Variants in DYM observed in about 807,000 individuals in gnomAD.
DYM encodes the protein dyggve-Melchior-Clausen syndrome protein.
A neutral mutation model predicts 93.1 loss-of-function variants in DYM; 78 were observed. The observed-to-expected ratio is 0.84, with a 90% CI of 0.70 to 1.01. The LOEUF (loss-of-function observed/expected upper bound fraction) is 1.01, where lower values mean the gene tolerates loss of function less well. DYM is among the 50% of genes least tolerant of loss of function. The pLI is 0.00. For missense variants in DYM, 789 were observed against 845.0 expected, an observed-to-expected ratio of 0.93 and a Z score of 0.82; for synonymous variants, 321 against 319.7, an observed-to-expected ratio of 1.00 and a Z score of -0.04.
rs2063339132 is a variant in DYM, at chr18:49,331,994, G to C, written c.633C>G (p.Thr211=). The change falls in exon 8 of 18, where the codon ACC becomes ACG. Residue 211 remains threonine, a synonymous_variant. Transcript: ENST00000675505. ...ATAATAAGGTCTTCACAAGTTTGCT[G>C]GTGTATGGAAGACTATACAAAAAGG... ...YLMRGPCLPY[T]SKLVKTLLYN... is the part of the protein sequence containing the mutation. The C allele has an allele frequency of 6.2e-7, 1 of 1,613,604 alleles. No homozygotes were observed. The highest frequency in any genetic ancestry group is 1.1e-5 in the South Asian group (1 of 91,064).
At chr18:49,204,132 G>A (rs1422429366) in intron 14 of DYM, among the ~76,000 whole-genome samples, 1 of 152,174 alleles carries the variant, frequency 6.6e-6, no homozygotes, top group African/African-American at 2.4e-5. Flanking sequence ...TTAATAGATT[G>A]TAGAAGAGTT....
chr18:49,426,169 GGATT>G (rs1568424866), intron 2 of DYM, among the ~76,000 whole-genome samples: 1 of 152,058 alleles, frequency 6.6e-6, no homozygotes, highest in African/African-American at 2.4e-5. Context: ...ATGATAGACT[GGATT>G]AAGAAAATGT....
chr18:49,078,260 G>C (rs2077478378), intron 17 of DYM, among the ~76,000 whole-genome samples: 1 of 152,090 alleles, frequency 6.6e-6, no homozygotes. Flanking sequence ...TGGATTGTCT[G>C]TAACTCAAAG....
chr18:49,152,781 T>C (rs1432494366), intron 15 of DYM, among the ~76,000 whole-genome samples: 3 of 152,186 alleles, frequency 2.0e-5, no homozygotes, highest in Admixed American at 1.3e-4. Flanking sequence ...CAATGGAATA[T>C]CATTTAGCCA....
chr18:49,426,830 A>G lies in DYM; in HGVS notation c.140+3425T>C, dbSNP rs555654791. The stretch of plus-strand genomic sequence containing the variant: ...GACAGAAATAGGCCCTCTACCTCTG[A>G]GGTAAAGGGAAACGGGAAGTATAGA... On this transcript the variant is annotated intron_variant, in intron 2 of 17. Coordinates refer to ENST00000675505, the MANE Select transcript of DYM (RefSeq NM_001353214.3). Among the ~76,000 whole-genome samples the G allele has an allele frequency of 2.7e-3, 415 of 151,788 alleles. 3 individuals carry two copies. Among genetic ancestry groups the G allele is most frequent in the African/African-American group, 9.6e-3 (398 of 41,388 alleles).
intron 16 of DYM, among the ~76,000 whole-genome samples, chr18:49,100,107 G>A (rs931677731): frequency 6.6e-5 from 10 of 152,066 alleles, no homozygotes; most frequent in African/African-American, 2.4e-4. Flanking sequence ...GGGATATCTG[G>A]AGTACTGAGG....
At chr18:49,400,452 G>C (rs989954134) in intron 2 of DYM, among the ~76,000 whole-genome samples, 4 of 152,034 alleles carry the variant, frequency 2.6e-5, no homozygotes, top group Non-Finnish European at 4.4e-5. Context: ...CAACACTTTA[G>C]AGCAGAAGCA....
Position 49,392,681 on chromosome 18 carries a change from TAAAAAAAAAAAA to T in DYM, c.141-1048_141-1037del, listed in dbSNP as rs869086187. ...CACACCCATTGGGATGGCTTTTATTTAAAAAAAAAAAAAAAAAAAAAAAAAAAAAGAGGCCAG... is the reference window on the plus strand; with the variant it reads ...CACACCCATTGGGATGGCTTTTATTTAAAAAAAAAAAAAAAAAGAGGCCAG... On this transcript the variant is annotated intron_variant, in intron 2 of 17. Coordinates refer to ENST00000675505, the MANE Select transcript of DYM (RefSeq NM_001353214.3). Among the ~76,000 whole-genome samples, 75 of 68,504 alleles carry T rather than the reference TAAAAAAAAAAAA, an allele frequency of 1.1e-3. 1 individual carries two copies. In the South Asian group the frequency reaches 0.044, roughly 40 times the overall value. The allele number at this position is 68,504 out of a possible 152,430, so 44.9% of individuals were successfully genotyped here. A position where few individuals can be genotyped will look rare whatever the true frequency, so the allele number is the denominator to read the frequency against.
intron 17 of DYM, among the ~76,000 whole-genome samples, chr18:49,092,262 C>T (rs1331473408): frequency 6.6e-6 from 1 of 152,146 alleles, no homozygotes; most frequent in Non-Finnish European, 1.5e-5. Context: ...GCTGAACTTG[C>T]CTTGGGCCTT....
At chr18:49,174,423 G>T (rs533918253) in intron 14 of DYM, among the ~76,000 whole-genome samples, 24 of 152,092 alleles carry the variant, frequency 1.6e-4, no homozygotes, top group Non-Finnish European at 1.9e-4. Context: ...TTCATAAATG[G>T]AAGAGCTAGA....
chr18:49,258,859 GA>G (rs2094442518), intron 11 of DYM, among the ~76,000 whole-genome samples: 1 of 100,098 alleles, frequency 1.0e-5, no homozygotes, highest in South Asian at 3.0e-4. Flanking sequence ...GAGAGAGAGA[GA>G]GAGAGAGAGA....
chr18:49,227,224 A>C (rs536721815), intron 13 of DYM, among the ~76,000 whole-genome samples: 2 of 152,312 alleles, frequency 1.3e-5, no homozygotes, highest in East Asian at 3.9e-4. Flanking sequence ...GCCATTATAA[A>C]ATTCTTCCTA....
At chr18:49,228,488 A>G (rs1450752318) in intron 13 of DYM, among the ~76,000 whole-genome samples, 1 of 152,174 alleles carries the variant, frequency 6.6e-6, no homozygotes, top group Non-Finnish European at 1.5e-5. Context: ...TTCAATCATT[A>G]TAATCATCCC....
At chr18:49,163,306 G>C (rs1277156210) in intron 15 of DYM, among the ~76,000 whole-genome samples, 1 of 151,922 alleles carries the variant, frequency 6.6e-6, no homozygotes, top group East Asian at 1.9e-4. Flanking sequence ...GAGAAGAGAG[G>C]GGTAATGCTA....
chr18:49,242,744 G>A (rs533911046), intron 13 of DYM, among the ~76,000 whole-genome samples: 4 of 152,316 alleles, frequency 2.6e-5, no homozygotes, highest in East Asian at 3.9e-4. Context: ...CAGTTGCTCA[G>A]GCTGGAGTGC....
intron 13 of DYM, among the ~76,000 whole-genome samples, chr18:49,244,136 G>A (rs1290921247): frequency 6.6e-6 from 1 of 152,092 alleles, no homozygotes; most frequent in Non-Finnish European, 1.5e-5. Context: ...GAAGGCAAAA[G>A]TTTTGTCATC....
At chr18:49,389,568 T>C (rs886125127) in intron 3 of DYM, among the ~76,000 whole-genome samples, 1 of 152,122 alleles carries the variant, frequency 6.6e-6, no homozygotes, top group Non-Finnish European at 1.5e-5. Flanking sequence ...GCCATCATGG[T>C]TCCCTGCAGC....
At chr18:49,045,229 C>G (rs2071322901) in intron 17 of DYM, among the ~76,000 whole-genome samples, 1 of 152,196 alleles carries the variant, frequency 6.6e-6, no homozygotes, top group Non-Finnish European at 1.5e-5. Flanking sequence ...GAGGAAACCA[C>G]ACACTTCCCC....
intron 17 of DYM, among the ~76,000 whole-genome samples, chr18:49,088,487 C>G (rs796351917): frequency 2.0e-5 from 3 of 150,874 alleles, no homozygotes; most frequent in African/African-American, 7.3e-5. Context: ...GTGCAGCACA[C>G]CAACATGGTG....
Sources: gnomAD v4.1 joint callset for allele counts (sites outside exome capture counted in the v4.1 genomes callset) on GRCh38, gnomAD v4.1.1 for gene constraint, MANE v1.5 for transcripts, NCBI Gene and HGNC (gene_info 2026-07-23, HGNC 2026-07-21) for gene names.